The following PLS1 variants were observed in gnomAD, a reference collection of about 807,000 sequenced individuals.
The protein encoded by PLS1 is plastin 1.
Under a neutral mutation model 73.7 loss-of-function variants are expected in PLS1, and 32 were observed. That is an observed-to-expected ratio of 0.43 (90% confidence interval 0.33 to 0.58). PLS1 has a LOEUF of 0.58. Among genes scored for constraint, PLS1 ranks in the 20% least tolerant of loss-of-function variants. The probability of loss-of-function intolerance (pLI) is 0.04; values close to 1 mark genes in which losing one functional copy is unlikely to be tolerated. For synonymous variants in PLS1, 217 were observed against 261.3 expected (o/e 0.83, Z 1.63); for missense variants, 633 against 740.5 (o/e 0.85, Z 1.68).
chr3:142,598,041 C>A (rs1022149027), intron 1 of PLS1, among the ~76,000 whole-genome samples: 2 of 152,194 alleles, frequency 1.3e-5, no homozygotes, highest in African/African-American at 2.4e-5. Flanking sequence ...GTATTGAAGT[C>A]CTGCTCATGC....
In PLS1 at chr3:142,664,121, T is replaced by C. The variant is rs984030923; in HGVS notation, c.-36-81T>C. ...CTCATAGATAATTCCTCCTAGAGAA[T>C]GTACTTCCTCTGTACCTTATATTGC... On this transcript the variant is annotated intron_variant, in intron 1 of 15. Transcript: ENST00000457734. The C allele has an allele frequency of 9.3e-6, 5 of 539,604 alleles. No homozygotes were observed. In the African/African-American group the frequency reaches 9.7e-5, roughly 10 times the overall value. The allele number at this position is 539,604 out of a possible 1,614,324, so 33.4% of individuals were successfully genotyped here. A position where few individuals can be genotyped will look rare whatever the true frequency, so the allele number is the denominator to read the frequency against.
At chr3:142,680,721 A>T (rs551161878) in intron 6 of PLS1, among the ~76,000 whole-genome samples, 1 of 152,284 alleles carries the variant, frequency 6.6e-6, no homozygotes, top group East Asian at 1.9e-4. Context: ...CTGAGTACTT[A>T]CTGGGTATCA....
At chr3:142,656,260 C>T (rs1307379057) in intron 1 of PLS1, among the ~76,000 whole-genome samples, 1 of 152,192 alleles carries the variant, frequency 6.6e-6, no homozygotes, top group Non-Finnish European at 1.5e-5. Flanking sequence ...CTGCACTCGA[C>T]CAATTTTTAA....
chr3:142,597,601 C>T (rs6440094), intron 1 of PLS1, among the ~76,000 whole-genome samples: 99,458 of 151,946 alleles, frequency 0.65, 34,340 homozygotes, highest in African/African-American at 0.89. Flanking sequence ...TAATATACAG[C>T]TGGTCTAGTT....
intron 1 of PLS1, among the ~76,000 whole-genome samples, chr3:142,615,566 G>T (rs2036200154): frequency 6.6e-6 from 1 of 152,104 alleles, no homozygotes; most frequent in African/African-American, 2.4e-5. Context: ...TTTATTCTTG[G>T]TGGAGGTGGA....
chr3:142,616,288 A>G (rs539528349), intron 1 of PLS1, among the ~76,000 whole-genome samples: 2 of 152,316 alleles, frequency 1.3e-5, no homozygotes, highest in African/African-American at 2.4e-5. Context: ...TCCTTTTCTC[A>G]TTTGTTAATG....
At position 142,644,778 on chromosome 3, in the gene PLS1, G is replaced by C. The variant is rs114705347; in HGVS notation, c.-36-19424G>C. 5.3e-3 allele frequency among the ~76,000 whole-genome samples: 809 copies of C among 152,278 alleles called. 7 individuals are homozygous for C. The highest frequency in any genetic ancestry group is 0.018 in the African/African-American group (748 of 41,546). On this transcript the variant is annotated intron_variant, in intron 1 of 15. Transcript: ENST00000457734. ...TGAGGGTAACGTCATCTAATAATGA[G>C]GTAATGGATGTGGAACTGCTTTGGA...
chr3:142,644,299 G>A (rs1353667217), intron 1 of PLS1, among the ~76,000 whole-genome samples: 1 of 151,834 alleles, frequency 6.6e-6, no homozygotes, highest in African/African-American at 2.4e-5. Context: ...CGCCCAAGCT[G>A]GAGTGCAGTG....
In PLS1 at chr3:142,712,030, A is replaced by G; in HGVS notation, c.*23A>G. ...TAATCATTTCATATGATTTTCTGCC[A>G]CATTAAACATATTGTATGCCTCACA... On this transcript the variant is annotated 3_prime_UTR_variant, in exon 16 of 16. Transcript: ENST00000457734. The G allele has an allele frequency of 6.2e-7, 1 of 1,605,436 alleles. No individual in the cohort carries two copies. The highest frequency in any genetic ancestry group is 2.2e-5 in the East Asian group (1 of 44,784).
chr3:142,711,515 C>A lies in PLS1; in HGVS notation c.1644C>A (p.Ser548Arg). Residue 548 changes from serine (S) to arginine (R), a missense_variant, in exon 15 of 16, where the codon AGC (serine) becomes AGA (arginine). By Grantham distance (110) the Ser-to-Arg change is moderately radical (BLOSUM62 -1). Transcript: ENST00000457734. ...TTATTTTCTAGGATAAATCTATAAG[C>A]ACAAGTTTACCTGTCCTAGATTTAA... is the stretch of plus-strand genomic sequence containing the variant. ...SISSFKDKSI[S>R]TSLPVLDLID... 6.3e-7 allele frequency: 1 copy of A among 1,585,780 alleles called. No individual in the cohort carries two copies. The highest frequency in any genetic ancestry group is 8.6e-7 in the Non-Finnish European group (1 of 1,156,816).
intron 3 of PLS1, among the ~76,000 whole-genome samples, 175 bp from the exon 4 acceptor site, chr3:142,670,818 G>A (rs2037589052): frequency 6.6e-6 from 1 of 152,122 alleles, no homozygotes; most frequent in African/African-American, 2.4e-5. Context: ...TCAAGTATTT[G>A]TCTATTTTGT....
intron 1 of PLS1, among the ~76,000 whole-genome samples, chr3:142,650,776 A>C (rs1455345002): frequency 6.6e-6 from 1 of 152,238 alleles, no homozygotes; most frequent in Non-Finnish European, 1.5e-5. Flanking sequence ...TACAGACATT[A>C]TAATGATGGG....
chr3:142,708,722 A>G (rs1932969969), intron 14 of PLS1, among the ~76,000 whole-genome samples: 1 of 152,270 alleles, frequency 6.6e-6, no homozygotes, highest in Non-Finnish European at 1.5e-5. Flanking sequence ...AGGAAATAAA[A>G]GGAGAAATAA....
chr3:142,698,991 T>A (rs2038269696), intron 12 of PLS1, among the ~76,000 whole-genome samples: 1 of 152,094 alleles, frequency 6.6e-6, no homozygotes, highest in African/African-American at 2.4e-5. Context: ...AAAAATAGTG[T>A]TTGACAGGAA....
chr3:142,676,574 C>T (rs891591841), intron 5 of PLS1, among the ~76,000 whole-genome samples: 9 of 152,058 alleles, frequency 5.9e-5, no homozygotes, highest in Non-Finnish European at 8.8e-5. Flanking sequence ...TTTAAATATT[C>T]GCAGGGTTTC....
intron 1 of PLS1, among the ~76,000 whole-genome samples, chr3:142,653,877 C>G (rs1417473089): frequency 2.6e-5 from 4 of 152,172 alleles, no homozygotes; most frequent in Non-Finnish European, 5.9e-5. Context: ...CAGGCATTAA[C>G]AGTTGAACCT....
chr3:142,649,928 A>G (rs995317633), intron 1 of PLS1, among the ~76,000 whole-genome samples: 2 of 152,162 alleles, frequency 1.3e-5, no homozygotes, highest in East Asian at 1.9e-4. Context: ...TTCTTTCCCA[A>G]TTCAGAATGC....
chr3:142,704,333 GC>G, intron 13 of PLS1, 129 bp from the exon 14 acceptor site: 1 of 746,186 alleles, frequency 1.3e-6, no homozygotes, highest in Non-Finnish European at 2.1e-6. Flanking sequence ...GGGTGCAAAT[GC>G]CAGACTAAAA....
At chr3:142,690,859 A>C (rs1320711059) in intron 10 of PLS1, among the ~76,000 whole-genome samples, 1 of 152,188 alleles carries the variant, frequency 6.6e-6, no homozygotes, top group Non-Finnish European at 1.5e-5. Flanking sequence ...CATTAGTATC[A>C]GAACTTAAAG....
Sources: gnomAD v4.1 joint callset for allele counts (sites outside exome capture counted in the v4.1 genomes callset) on GRCh38, gnomAD v4.1.1 for gene constraint, MANE v1.5 for transcripts, NCBI Gene and HGNC (gene_info 2026-07-23, HGNC 2026-07-21) for gene names.